The following CYB5R3 variants were observed in gnomAD, a reference collection of about 807,000 sequenced individuals.
CYB5R3 encodes the protein NADH-cytochrome b5 reductase 3.
In CYB5R3, 28 loss-of-function variants were observed where a neutral mutation model predicts 36.5. That is an observed-to-expected ratio of 0.77 (90% CI 0.57 to 1.05). The LOEUF is 1.05. CYB5R3 is among the 50% of genes least tolerant of loss of function. The probability of loss-of-function intolerance (pLI) is 0.00; values close to 1 mark genes in which losing one functional copy is unlikely to be tolerated. For synonymous variants in CYB5R3, 181 were observed against 159.8 expected (o/e 1.13, Z -1.00); for missense variants, 474 against 408.9 (o/e 1.16, Z -1.37).
At chr22:42,632,462 A>T (rs1928671471) in intron 2 of CYB5R3, 1 of 152,282 alleles carries the variant, frequency 6.6e-6, no homozygotes. Flanking sequence ...TCCAGCACAG[A>T]GCAGCTGCCT....
chr22:42,649,376 C>T lies in CYB5R3; in HGVS notation c.-61G>A. The T allele has an allele frequency of 3.3e-6, 2 of 613,090 alleles. No individual in the cohort carries two copies. Among genetic ancestry groups the T allele is most frequent in the Non-Finnish European group, 4.1e-6 (2 of 484,518 alleles). 38.0% of individuals were successfully genotyped at this position (613,090 alleles called of 1,614,324 possible). A position where few individuals can be genotyped will look rare whatever the true frequency, so the allele number is the denominator to read the frequency against. On this transcript the variant is annotated 5_prime_UTR_variant, in exon 1 of 9. Coordinates refer to ENST00000352397, the MANE Select transcript of CYB5R3 (RefSeq NM_000398.7). ...CCGCCGCCGCCGAGACCGTCGCGCCCGGGCCCGCGTCACTCCGGAGCAGGG... is the reference window on the plus strand; with the variant it reads ...CCGCCGCCGCCGAGACCGTCGCGCCTGGGCCCGCGTCACTCCGGAGCAGGG...
chr22:42,624,268 G>A (rs1928147545), intron 7 of CYB5R3, among the ~76,000 whole-genome samples: 1 of 152,210 alleles, frequency 6.6e-6, no homozygotes, highest in Admixed American at 6.5e-5. Context: ...CAGCCCGGGA[G>A]CGGGTGTAAC....
chr22:42,638,396 CAA>C (rs1206825251), intron 1 of CYB5R3, among the ~76,000 whole-genome samples: 43 of 36,498 alleles, frequency 1.2e-3, no homozygotes, highest in African/African-American at 4.3e-3. Flanking sequence ...AACTCCATCT[CAA>C]AAAAAAAAAA....
chr22:42,641,252 TTCTAG>T (rs1215761389), intron 1 of CYB5R3, among the ~76,000 whole-genome samples: 1 of 152,252 alleles, frequency 6.6e-6, no homozygotes, highest in Non-Finnish European at 1.5e-5. Flanking sequence ...TTGGTAAGGC[TTCTAG>T]TCAATAGTAT....
At chr22:42,630,473 G>A (rs1024463723) in intron 4 of CYB5R3, among the ~76,000 whole-genome samples, 20 of 152,346 alleles carry the variant, frequency 1.3e-4, no homozygotes, top group Admixed American at 3.3e-4. Flanking sequence ...ACGGGACTGC[G>A]CCGTCACACC....
rs563727583 is a variant in CYB5R3 at position 42,642,058 on chromosome 22, A to C, written c.22-5212T>G. The stretch of plus-strand genomic sequence containing the variant: ...GATATATACTGTATAGAGAGAAATA[A>C]AGCAAATGTAGCAAATAATAACATT... On this transcript the variant is annotated intron_variant, in intron 1 of 8. Transcript: ENST00000352397. 1.3e-3 allele frequency among the ~76,000 whole-genome samples: 198 copies of C among 152,324 alleles called. 1 individual carries two copies. Among genetic ancestry groups the C allele is most frequent in the African/African-American group, 4.7e-3 (194 of 41,566 alleles).
At chr22:42,642,357 G>C (rs760642620) in intron 1 of CYB5R3, among the ~76,000 whole-genome samples, 3 of 152,164 alleles carry the variant, frequency 2.0e-5, no homozygotes, top group Non-Finnish European at 4.4e-5. Flanking sequence ...CAAGCCAACA[G>C]CCAGCCTCAG....
intron 1 of CYB5R3, chr22:42,646,751 G>A (rs1004563086): frequency 1.8e-5 from 18 of 986,272 alleles, no homozygotes; most frequent in Non-Finnish European, 2.2e-5. Flanking sequence ...TTCTGCAGTG[G>A]GGGGCTCTGG....
At chr22:42,627,431 C>T (rs548596598) in intron 6 of CYB5R3, 42 bp from the exon 7 acceptor site, 7 of 1,597,928 alleles carry the variant, frequency 4.4e-6, no homozygotes, top group Non-Finnish European at 6.0e-6. Context: ...CTGAGCGAGG[C>T]CTGTTCACAG....
intron 8 of CYB5R3, among the ~76,000 whole-genome samples, chr22:42,621,609 C>T (rs1253706030): frequency 2.0e-5 from 3 of 152,270 alleles, no homozygotes; most frequent in Non-Finnish European, 4.4e-5. Flanking sequence ...AACAAATGTA[C>T]ACGAAAAATG....
At chr22:42,646,677 T>C (rs1929554113) in intron 1 of CYB5R3, 1 of 985,480 alleles carries the variant, frequency 1.0e-6, no homozygotes, top group African/African-American at 1.7e-5. Flanking sequence ...CCTGCCAGAA[T>C]CTGAGCGGCA....
chr22:42,643,514 TG>T (rs2146909895), intron 1 of CYB5R3, among the ~76,000 whole-genome samples: 1 of 141,852 alleles, frequency 7.0e-6, no homozygotes, highest in South Asian at 2.3e-4. Context: ...GGTCCTTTGT[TG>T]GGCTTAAAAC....
intron 1 of CYB5R3, chr22:42,639,028 C>G (rs1405873215): frequency 2.5e-6 from 1 of 401,782 alleles, no homozygotes; most frequent in Non-Finnish European, 4.8e-6. Context: ...GAGTGAAACT[C>G]CATCTCAAAA....
rs929214011 is a variant in CYB5R3, at chr22:42,634,532, T to C, written c.153+2183A>G. Among the ~76,000 whole-genome samples, 125 of 149,124 alleles carry C rather than the reference T, an allele frequency of 8.4e-4. 2 individuals are homozygous for C. Among genetic ancestry groups the C allele is most frequent in the Non-Finnish European group, 3.7e-4 (25 of 67,226 alleles). ...TGTGATCTTGGCTCACTGCAACCTC[T>C]GCCTCCCAGGTTCAAGCGATTCTCC... On this transcript the variant is annotated intron_variant, in intron 2 of 8. Transcript: ENST00000352397.
chr22:42,629,964 AT>A (rs1224209983), intron 4 of CYB5R3, among the ~76,000 whole-genome samples: 1 of 151,860 alleles, frequency 6.6e-6, no homozygotes, highest in East Asian at 1.9e-4. Context: ...TGCCCAGCTA[AT>A]TTTTTTGTAT....
Position 42,628,229 on chromosome 22 carries a change from T to G in CYB5R3, c.386A>C (p.Gln129Pro), listed in dbSNP as rs1244673706. 2 of 1,614,134 alleles carry G rather than the reference T, an allele frequency of 1.2e-6. No individual in the cohort carries two copies. Among genetic ancestry groups the G allele is most frequent in the Non-Finnish European group, 1.7e-6 (2 of 1,179,988 alleles). The change falls in exon 5 of 9, where the codon CAG (glutamine) becomes CCG (proline). Residue 129 changes from glutamine (Q) to proline (P), a missense_variant. Physicochemically the swap from Gln to Pro is moderately conservative, Grantham distance 76. Coordinates refer to ENST00000352397, the MANE Select transcript of CYB5R3 (RefSeq NM_000398.7). ...TCCAATCTGCATGCTCTCCAGGTAC[T>G]GAGACATCTTCCCTCCAGCGGGAAA... Reference protein sequence around the residue: ...PKFPAGGKMSQYLESMQIGDT... With the variant: ...PKFPAGGKMSPYLESMQIGDT...
intron 4 of CYB5R3, among the ~76,000 whole-genome samples, chr22:42,629,698 CTGGGGAGGCTATAGGGCTTTGGCCTTGAT>C (rs1427037388): frequency 1.3e-5 from 2 of 152,160 alleles, no homozygotes; most frequent in East Asian, 3.9e-4. Flanking sequence ...GGGTGCTGGG[CTGGGGAGGCTATAGGGCTTTGGCCTTGAT>C]TGGGGAGGGT....
intron 1 of CYB5R3, among the ~76,000 whole-genome samples, chr22:42,642,665 C>G (rs1291788566): frequency 6.6e-6 from 1 of 152,084 alleles, no homozygotes; most frequent in Non-Finnish European, 1.5e-5. Context: ...GTCTCGATCT[C>G]CTGACCTCGT....
chr22:42,633,636 A>G (rs1452939766), intron 2 of CYB5R3, among the ~76,000 whole-genome samples: 1 of 152,200 alleles, frequency 6.6e-6, no homozygotes, highest in Non-Finnish European at 1.5e-5. Context: ...ATACAAAATT[A>G]GCTGGGCATG....
Sources: allele counts gnomAD v4.1 joint callset (sites outside exome capture counted in the v4.1 genomes callset), GRCh38; gene constraint gnomAD v4.1.1; transcripts MANE v1.5; gene names NCBI Gene and HGNC (gene_info 2026-07-23, HGNC 2026-07-21).